The following THSD7B variants were observed in gnomAD, a reference collection of about 807,000 sequenced individuals.
The protein encoded by THSD7B is thrombospondin type-1 domain-containing protein 7B.
In THSD7B, 138 loss-of-function variants were observed where a neutral mutation model predicts 213.6. The observed-to-expected ratio is 0.65, with a 90% CI of 0.56 to 0.74. The LOEUF is 0.74. Ranked by LOEUF, THSD7B falls within the 30% of genes least tolerant of loss-of-function variation. The probability of loss-of-function intolerance (pLI) is 0.00; values close to 1 mark genes in which losing one functional copy is unlikely to be tolerated. For synonymous variants in THSD7B, 742 were observed against 687.0 expected (o/e 1.08, Z -1.25); for missense variants, 1,931 against 1,991.5 (o/e 0.97, Z 0.58).
At chr2:137,499,247 C>G (rs1166402000) in intron 15 of THSD7B, among the ~76,000 whole-genome samples, 3 of 152,170 alleles carry the variant, frequency 2.0e-5, no homozygotes, top group Admixed American at 1.3e-4. Flanking sequence ...TATTCTATTA[C>G]AGTGTACAGT....
chr2:137,410,269 T>TC (rs1686622908), intron 13 of THSD7B, among the ~76,000 whole-genome samples: 1 of 135,962 alleles, frequency 7.4e-6, no homozygotes, highest in Admixed American at 7.4e-5. Context: ...GCAGAAATTC[T>TC]TTTTTTTTTT....
At chr2:137,473,622 A>G (rs1688135444) in intron 15 of THSD7B, among the ~76,000 whole-genome samples, 1 of 152,162 alleles carries the variant, frequency 6.6e-6, no homozygotes, top group Non-Finnish European at 1.5e-5. Flanking sequence ...CATGTTGAAT[A>G]TTATAAAGAT....
chr2:136,885,204 C>T (rs1215289768), intron 2 of THSD7B, among the ~76,000 whole-genome samples: 1 of 152,140 alleles, frequency 6.6e-6, no homozygotes, highest in Non-Finnish European at 1.5e-5. Flanking sequence ...GTTTTGATTG[C>T]TGTGTCAACC....
intron 12 of THSD7B, among the ~76,000 whole-genome samples, chr2:137,334,684 A>G (rs1401891943): frequency 6.6e-6 from 1 of 152,182 alleles, no homozygotes; most frequent in African/African-American, 2.4e-5. Flanking sequence ...TTCTGAATGC[A>G]TTTTCCCCAT....
At chr2:136,858,072 T>C (rs1412085256) in intron 1 of THSD7B, among the ~76,000 whole-genome samples, 1 of 152,208 alleles carries the variant, frequency 6.6e-6, no homozygotes, top group African/African-American at 2.4e-5. Context: ...TTTTGGATGG[T>C]AATAGCATTA....
chr2:136,997,405 A>T (rs1047121062), intron 2 of THSD7B, among the ~76,000 whole-genome samples: 1 of 152,234 alleles, frequency 6.6e-6, no homozygotes, highest in African/African-American at 2.4e-5. Flanking sequence ...AATATTTTAA[A>T]CAAGTTTTGT....
At chr2:137,460,560 GTCACTGCTTCC>G (rs1687864708) in intron 15 of THSD7B, among the ~76,000 whole-genome samples, 2 of 151,970 alleles carry the variant, frequency 1.3e-5, no homozygotes, top group African/African-American at 4.8e-5. Context: ...AAAAGCTGTT[GTCACTGCTTCC>G]TGTATGGAAG....
chr2:137,654,451 A>G (rs904741352), intron 21 of THSD7B, among the ~76,000 whole-genome samples: 9 of 152,154 alleles, frequency 5.9e-5, no homozygotes, highest in African/African-American at 2.2e-4. Flanking sequence ...GGCACTTCCC[A>G]TGCTTCCGGT....
chr2:137,008,079 G>A (rs1007236823), intron 2 of THSD7B, among the ~76,000 whole-genome samples: 4 of 151,974 alleles, frequency 2.6e-5, no homozygotes, highest in African/African-American at 9.7e-5. Context: ...TTATCTACTA[G>A]CAAAGACATG....
rs143959372 is a variant in THSD7B, at chr2:137,141,464, G to A, written c.1370-18749G>A. On this transcript the variant is annotated intron_variant, in intron 5 of 27. Coordinates refer to ENST00000409968, the MANE Select transcript of THSD7B (RefSeq NM_001316349.2). Reference sequence around the variant, plus strand: ...GAATCTGCACAGATGATAAAATTGCGTAGAAACACACATGTGTGCACACAC... The same window carrying A: ...GAATCTGCACAGATGATAAAATTGCATAGAAACACACATGTGTGCACACAC... 3.1e-3 allele frequency among the ~76,000 whole-genome samples: 460 copies of A among 146,730 alleles called. 10 individuals are homozygous for A. The highest frequency in any genetic ancestry group is 0.024 in the Middle Eastern group (7 of 286).
chr2:137,028,048 C>T (rs2104849229), intron 2 of THSD7B, among the ~76,000 whole-genome samples: 1 of 152,288 alleles, frequency 6.6e-6, no homozygotes, highest in Admixed American at 6.5e-5. Flanking sequence ...TATATCTACA[C>T]ATATGCTTCA....
intron 12 of THSD7B, among the ~76,000 whole-genome samples, chr2:137,332,169 T>G (rs1311802087): frequency 6.6e-6 from 1 of 151,272 alleles, no homozygotes; most frequent in Non-Finnish European, 1.5e-5. Flanking sequence ...CTGTCACCTC[T>G]CAAAAGCAGC....
intron 2 of THSD7B, among the ~76,000 whole-genome samples, chr2:136,967,202 TAGTCCTTCAA>T (rs138761936): frequency 0.031 from 4,647 of 152,272 alleles, 107 homozygotes; most frequent in South Asian, 0.076. Context: ...CTGTTTCAAG[TAGTCCTTCAA>T]AGTCCTTCAA....
At chr2:137,253,592 A>G (rs1682236431) in intron 10 of THSD7B, among the ~76,000 whole-genome samples, 1 of 152,140 alleles carries the variant, frequency 6.6e-6, no homozygotes, top group Non-Finnish European at 1.5e-5. Context: ...TCTGCAGACA[A>G]TATAATATGA....
rs12618273 is a variant in THSD7B, at chr2:137,282,728, T to G, written c.2500+6702T>G. Among the ~76,000 whole-genome samples the G allele has an allele frequency of 6.6e-4, 101 of 152,302 alleles. 3 individuals carry two copies. In the East Asian group the frequency reaches 0.019, roughly 29 times the overall value. ...TCAGATAGTTGTAGATGTGTGGTAT[T>G]ATTTCTGAGGGCTCTGTTTTATTCC... On this transcript the variant is annotated intron_variant, in intron 12 of 27. Coordinates refer to ENST00000409968, the MANE Select transcript of THSD7B (RefSeq NM_001316349.2).
intron 2 of THSD7B, among the ~76,000 whole-genome samples, chr2:137,014,681 C>A (rs929946649): frequency 6.6e-6 from 1 of 152,224 alleles, no homozygotes. Context: ...ATGGCCACGG[C>A]AACCAGCTTC....
At chr2:137,404,430 GATATATATATATAT>G (rs59001356) in intron 12 of THSD7B, among the ~76,000 whole-genome samples, 2,194 of 49,268 alleles carry the variant, frequency 0.045, 85 homozygotes, top group Middle Eastern at 0.077. Flanking sequence ...GAAACTCTGA[GATATATATATATAT>G]ATATATATAT....
At chr2:137,262,051 AC>A (rs776373965) in intron 10 of THSD7B, among the ~76,000 whole-genome samples, 1 of 152,042 alleles carries the variant, frequency 6.6e-6, no homozygotes, top group Non-Finnish European at 1.5e-5. Flanking sequence ...GGATGCAAGG[AC>A]CCAGTGGTGC....
chr2:137,113,733 G>T (rs1179474543), intron 4 of THSD7B, among the ~76,000 whole-genome samples: 1 of 152,082 alleles, frequency 6.6e-6, no homozygotes, highest in East Asian at 1.9e-4. Flanking sequence ...CACTGTGCCC[G>T]GCCAGAAATA....
Sources: gnomAD v4.1 joint callset for allele counts (sites outside exome capture counted in the v4.1 genomes callset) on GRCh38, gnomAD v4.1.1 for gene constraint, MANE v1.5 for transcripts, NCBI Gene and HGNC (gene_info 2026-07-23, HGNC 2026-07-21) for gene names.